Variants in PCCA observed in about 807,000 individuals in gnomAD.
PCCA encodes propionyl-CoA carboxylase alpha chain, mitochondrial.
In PCCA, 74 loss-of-function variants were observed where a neutral mutation model predicts 101.3. The observed-to-expected ratio is 0.73, with a 90% confidence interval of 0.61 to 0.89. The LOEUF is 0.89. Among genes scored for constraint, PCCA ranks in the 40% least tolerant of loss-of-function variants. The pLI is 0.00. For synonymous variants in PCCA, 294 were observed against 313.6 expected, an observed-to-expected ratio of 0.94 and a Z score of 0.66; for missense variants, 891 against 907.0, an observed-to-expected ratio of 0.98 and a Z score of 0.23.
chr13:100,497,071 T>C (rs1022497037), intron 21 of PCCA, among the ~76,000 whole-genome samples: 4 of 152,182 alleles, frequency 2.6e-5, no homozygotes, highest in African/African-American at 9.7e-5. Flanking sequence ...CTAGGGTCTC[T>C]TTTGTCTCTT....
chr13:100,239,584 A>G (rs539237587), intron 8 of PCCA, among the ~76,000 whole-genome samples: 10 of 152,306 alleles, frequency 6.6e-5, no homozygotes, highest in African/African-American at 2.2e-4. Flanking sequence ...TGAGAGATAC[A>G]GAGCTATTGA....
At chr13:100,208,009 T>A (rs776865211) in intron 6 of PCCA, among the ~76,000 whole-genome samples, 3 of 151,966 alleles carry the variant, frequency 2.0e-5, no homozygotes, top group Non-Finnish European at 4.4e-5. Flanking sequence ...AGAGTGAGAC[T>A]CTGTCTCAAA....
chr13:100,508,264 T>C (rs1566480600), intron 21 of PCCA, among the ~76,000 whole-genome samples: 1 of 152,212 alleles, frequency 6.6e-6, no homozygotes, highest in Non-Finnish European at 1.5e-5. Context: ...AAAAATGAGT[T>C]GCTGAATGGG....
At chr13:100,367,660 C>CA (rs1485700478) in intron 18 of PCCA, among the ~76,000 whole-genome samples, 1 of 122,420 alleles carries the variant, frequency 8.2e-6, no homozygotes, top group African/African-American at 3.1e-5. Context: ...TTTTTTTTTG[C>CA]AAAAAATAAT....
chr13:100,451,739 T>TCTCC (rs1491418935), intron 21 of PCCA, among the ~76,000 whole-genome samples: 1 of 87,188 alleles, frequency 1.1e-5, no homozygotes, highest in Non-Finnish European at 2.3e-5. Context: ...TCTCTCTCTC[T>TCTCC]TCTCTCCTTC....
At chr13:100,151,992 T>C (rs1268854889) in intron 4 of PCCA, among the ~76,000 whole-genome samples, 2 of 152,132 alleles carry the variant, frequency 1.3e-5, no homozygotes, top group African/African-American at 4.8e-5. Flanking sequence ...TTTGTATTAT[T>C]AAGCCAAAAA....
intron 21 of PCCA, among the ~76,000 whole-genome samples, chr13:100,493,169 C>T (rs1197343870): frequency 6.6e-6 from 1 of 152,236 alleles, no homozygotes. Context: ...AGCTCCTACA[C>T]CTGCCCCTGC....
chr13:100,316,079 C>G (rs1293182837), intron 16 of PCCA, among the ~76,000 whole-genome samples: 5 of 152,124 alleles, frequency 3.3e-5, no homozygotes, highest in African/African-American at 9.7e-5. Flanking sequence ...GATTATTACC[C>G]TCTTTTGGCT....
At chr13:100,113,354 G>T (rs1457412810) in intron 4 of PCCA, among the ~76,000 whole-genome samples, 1 of 152,140 alleles carries the variant, frequency 6.6e-6, no homozygotes, top group Non-Finnish European at 1.5e-5. Context: ...GGCACTTACT[G>T]TGAATGGAGC....
intron 9 of PCCA, among the ~76,000 whole-genome samples, chr13:100,259,083 C>T (rs1178257963): frequency 6.6e-6 from 1 of 152,160 alleles, no homozygotes; most frequent in Non-Finnish European, 1.5e-5. Context: ...AACACCATAC[C>T]ACAACTTATC....
At chr13:100,387,261 G>A (rs2076563313) in intron 19 of PCCA, among the ~76,000 whole-genome samples, 1 of 152,228 alleles carries the variant, frequency 6.6e-6, no homozygotes, top group African/African-American at 2.4e-5. Flanking sequence ...GTCAGAGTAA[G>A]GAAGCTGAGT....
At chr13:100,470,951 T>G (rs2082966011) in intron 21 of PCCA, among the ~76,000 whole-genome samples, 1 of 152,248 alleles carries the variant, frequency 6.6e-6, no homozygotes, top group African/African-American at 2.4e-5. Flanking sequence ...ACTTTTAATT[T>G]TCTTCAAGAC....
At chr13:100,152,950 CAT>C (rs2053518415) in intron 4 of PCCA, among the ~76,000 whole-genome samples, 1 of 152,114 alleles carries the variant, frequency 6.6e-6, no homozygotes, top group African/African-American at 2.4e-5. Flanking sequence ...ATTTTGGACA[CAT>C]AAACACATGT....
intron 7 of PCCA, among the ~76,000 whole-genome samples, chr13:100,222,737 A>C (rs953016859): frequency 1.3e-5 from 2 of 152,232 alleles, no homozygotes; most frequent in Non-Finnish European, 1.5e-5. Flanking sequence ...TGTTTTTAAG[A>C]CTAAAGTCTT....
intron 4 of PCCA, among the ~76,000 whole-genome samples, chr13:100,143,591 G>A (rs999911375): frequency 6.6e-6 from 1 of 151,286 alleles, no homozygotes; most frequent in East Asian, 1.9e-4. Context: ...TATTAGTCTT[G>A]GATGAATAGG....
At chr13:100,171,255 A>G (rs896431213) in intron 6 of PCCA, among the ~76,000 whole-genome samples, 1 of 152,238 alleles carries the variant, frequency 6.6e-6, no homozygotes, top group Non-Finnish European at 1.5e-5. Context: ...AAAATTTCTT[A>G]ATTTTAACAT....
At chr13:100,352,624 G>A (rs938339931) in intron 18 of PCCA, among the ~76,000 whole-genome samples, 1 of 151,816 alleles carries the variant, frequency 6.6e-6, no homozygotes, top group Non-Finnish European at 1.5e-5. Context: ...GAACTCCTGG[G>A]CTCAAGTGAT....
At chr13:100,380,197 T>C (rs142116676) in intron 19 of PCCA, among the ~76,000 whole-genome samples, 1,621 of 152,188 alleles carry the variant, frequency 0.011, 13 homozygotes, top group Middle Eastern at 0.02. Flanking sequence ...CCCCCATCTC[T>C]ACAAAAAAGT....
chr13:100,479,547 T>A (rs1258523380), intron 21 of PCCA: 1 of 152,136 alleles, frequency 6.6e-6, no homozygotes, highest in African/African-American at 2.4e-5. Flanking sequence ...AGAGAAAGTG[T>A]TAGGAAAATC....
Sources: allele counts gnomAD v4.1 joint callset (sites outside exome capture counted in the v4.1 genomes callset), GRCh38; gene constraint gnomAD v4.1.1; transcripts MANE v1.5; gene names NCBI Gene and HGNC (gene_info 2026-07-23, HGNC 2026-07-21).